The following MTHFS variants were observed in gnomAD, a reference collection of about 807,000 sequenced individuals.
MTHFS encodes the protein 5-formyltetrahydrofolate cyclo-ligase.
In MTHFS, 7 loss-of-function variants were observed where a neutral mutation model predicts 12.7. The ratio of observed to expected loss-of-function variants is 0.55; its 90% CI spans 0.31 to 1.03. The LOEUF is 1.03. Ranked by LOEUF, MTHFS falls within the 50% of genes least tolerant of loss-of-function variation. The pLI, the probability that MTHFS is intolerant of heterozygous loss-of-function variation, is 0.05. For missense variants in MTHFS, 252 were observed against 258.1 expected (o/e 0.98, Z 0.16); for synonymous variants, 100 against 97.1 (o/e 1.03, Z -0.18).
intron 2 of MTHFS, among the ~76,000 whole-genome samples, chr15:79,852,067 C>A (rs1258068725): frequency 6.6e-6 from 1 of 152,198 alleles, no homozygotes; most frequent in Non-Finnish European, 1.5e-5. Context: ...ACTCCTCAGG[C>A]CACGTGGCTG....
chr15:79,845,579 GCA>G (rs1234102568), intron 2 of MTHFS, 137 bp from the exon 3 acceptor site: 5 of 1,231,530 alleles, frequency 4.1e-6, no homozygotes, highest in South Asian at 1.6e-5. Context: ...TATCCAAAAA[GCA>G]CAGAGTTGGA....
At chr15:79,845,592 C>CA (rs1566985247) in intron 2 of MTHFS, 150 bp from the exon 3 acceptor site, 11 of 1,134,550 alleles carry the variant, frequency 9.7e-6, no homozygotes, top group Admixed American at 2.9e-5. Context: ...CAGAGTTGGA[C>CA]AAAAAAGGAA....
At chr15:79,847,721 A>G (rs888632349) in intron 2 of MTHFS, among the ~76,000 whole-genome samples, 1 of 152,088 alleles carries the variant, frequency 6.6e-6, no homozygotes, top group Non-Finnish European at 1.5e-5. Context: ...CAAAGAAGAC[A>G]TACAAATGGC....
At chr15:79,875,523 CA>C (rs954868363) in intron 2 of MTHFS, among the ~76,000 whole-genome samples, 30 of 152,214 alleles carry the variant, frequency 2.0e-4, no homozygotes, top group African/African-American at 6.5e-4. Context: ...ACCAAATATC[CA>C]TATACAAAAG....
chr15:79,896,810 G>A (rs2034584479), intron 1 of MTHFS, 62 bp downstream of exon 1: 2 of 1,530,030 alleles, frequency 1.3e-6, no homozygotes, highest in South Asian at 1.2e-5. Flanking sequence ...ATCAGCAATC[G>A]CTGGCCGCCA....
At chr15:79,869,487 G>A (rs1002913136) in intron 2 of MTHFS, among the ~76,000 whole-genome samples, 2 of 152,124 alleles carry the variant, frequency 1.3e-5, no homozygotes, top group African/African-American at 2.4e-5. Flanking sequence ...CTGTTGCCCA[G>A]GTGGGAGTGC....
chr15:79,870,946 C>T (rs1176357222), intron 2 of MTHFS, among the ~76,000 whole-genome samples: 2 of 152,048 alleles, frequency 1.3e-5, no homozygotes, highest in Admixed American at 6.6e-5. Flanking sequence ...AGGTCGAGAC[C>T]AGCCTGGTCA....
chr15:79,849,553 T>G (rs1030865824), intron 2 of MTHFS, among the ~76,000 whole-genome samples: 5 of 152,166 alleles, frequency 3.3e-5, no homozygotes, highest in African/African-American at 1.2e-4. Flanking sequence ...CAGAGACACC[T>G]TCACACACCA....
intron 2 of MTHFS, among the ~76,000 whole-genome samples, chr15:79,860,759 C>T (rs1596066913): frequency 6.6e-6 from 1 of 152,230 alleles, no homozygotes; most frequent in East Asian, 1.9e-4. Context: ...TGAAAATTCA[C>T]ACAGATGCCC....
intron 2 of MTHFS, among the ~76,000 whole-genome samples, chr15:79,883,549 C>T (rs1310404001): frequency 6.6e-6 from 1 of 152,172 alleles, no homozygotes; most frequent in African/African-American, 2.4e-5. Flanking sequence ...GTGCCAAGTA[C>T]ATAAGAATTA....
intron 2 of MTHFS, among the ~76,000 whole-genome samples, chr15:79,880,062 C>T (rs1394253407): frequency 1.3e-5 from 2 of 151,948 alleles, no homozygotes; most frequent in Non-Finnish European, 1.5e-5. Flanking sequence ...TTAGTTTATT[C>T]TGCTTTTGTT....
At chr15:79,885,662 G>T (rs1479557000) in intron 2 of MTHFS, among the ~76,000 whole-genome samples, 3 of 152,250 alleles carry the variant, frequency 2.0e-5, no homozygotes, top group African/African-American at 7.2e-5. Context: ...TCTGGCCATA[G>T]TGATTAATTT....
intron 2 of MTHFS, among the ~76,000 whole-genome samples, chr15:79,883,509 GAATT>G (rs1328956473): frequency 6.6e-6 from 1 of 152,092 alleles, no homozygotes; most frequent in Non-Finnish European, 1.5e-5. Flanking sequence ...CTTCCAAAAA[GAATT>G]AATAAAACGT....
At chr15:79,889,721 T>C (rs2034442275) in intron 1 of MTHFS, among the ~76,000 whole-genome samples, 1 of 152,196 alleles carries the variant, frequency 6.6e-6, no homozygotes, top group Non-Finnish European at 1.5e-5. Flanking sequence ...TAGAGTATGC[T>C]TTATTTTACC....
chr15:79,875,850 T>C (rs1263097661), intron 2 of MTHFS: 2 of 152,018 alleles, frequency 1.3e-5, no homozygotes, highest in African/African-American at 4.8e-5. Context: ...ATAAAAAACT[T>C]AGATAACACA....
intron 2 of MTHFS, among the ~76,000 whole-genome samples, chr15:79,852,372 T>C (rs2033731021): frequency 6.6e-6 from 1 of 152,176 alleles, no homozygotes; most frequent in Non-Finnish European, 1.5e-5. Context: ...TATACAAAAA[T>C]TGGGTTTTTA....
intron 1 of MTHFS, among the ~76,000 whole-genome samples, chr15:79,895,168 T>G (rs1488673178): frequency 3.3e-5 from 5 of 152,172 alleles, no homozygotes; most frequent in Admixed American, 3.3e-4. Context: ...TAAAAAACAA[T>G]GGCGCCAGAT....
At chr15:79,862,451 C>T (rs1204750790) in intron 2 of MTHFS, among the ~76,000 whole-genome samples, 1 of 152,150 alleles carries the variant, frequency 6.6e-6, no homozygotes, top group South Asian at 2.1e-4. Context: ...CAAGGAGAAA[C>T]TGAAAATGCT....
chr15:79,860,773 A>G (rs1055364767), intron 2 of MTHFS, among the ~76,000 whole-genome samples: 1 of 152,204 alleles, frequency 6.6e-6, no homozygotes, highest in African/African-American at 2.4e-5. Context: ...GATGCCCACA[A>G]TGAATTTCTT....
Sources: allele counts gnomAD v4.1 joint callset (sites outside exome capture counted in the v4.1 genomes callset), GRCh38; gene constraint gnomAD v4.1.1; transcripts MANE v1.5; gene names NCBI Gene and HGNC (gene_info 2026-07-23, HGNC 2026-07-21).